Variants in SPIRE1 observed in about 807,000 individuals in gnomAD.
SPIRE1 encodes spire type actin nucleation factor 1, also known as protein spire homolog 1.
A neutral mutation model predicts 94.1 loss-of-function variants in SPIRE1; 40 were observed. The observed-to-expected ratio is 0.43, with a 90% confidence interval of 0.33 to 0.55. The LOEUF is 0.55. Among genes scored for constraint, SPIRE1 ranks in the 20% least tolerant of loss-of-function variants. The probability of loss-of-function intolerance (pLI) is 0.06; values close to 1 mark genes in which losing one functional copy is unlikely to be tolerated. For synonymous variants in SPIRE1, 376 were observed against 371.7 expected, an observed-to-expected ratio of 1.01 and a Z score of -0.13; for missense variants, 838 against 975.2, an observed-to-expected ratio of 0.86 and a Z score of 1.87.
chr18:12,523,886 T>TCACTA (rs2034431100), intron 4 of SPIRE1, among the ~76,000 whole-genome samples: 1 of 152,192 alleles, frequency 6.6e-6, no homozygotes, highest in Admixed American at 6.5e-5. Context: ...AGATAGGATC[T>TCACTA]CACTACATTG....
At chr18:12,450,002 G>A (rs2031149648) in intron 16 of SPIRE1, 106 bp from the exon 17 acceptor site, 2 of 1,134,732 alleles carry the variant, frequency 1.8e-6, no homozygotes, top group Non-Finnish European at 2.5e-6. Flanking sequence ...AAACATCATG[G>A]AATGGATGAG....
chr18:12,479,653 A>C, intron 10 of SPIRE1, 46 bp downstream of exon 10: 2 of 1,537,612 alleles, frequency 1.3e-6, no homozygotes, highest in Non-Finnish European at 8.7e-7. Context: ...AGACAGCATT[A>C]AGCACCCTCA....
chr18:12,459,601 G>A (rs148018319), intron 12 of SPIRE1, among the ~76,000 whole-genome samples: 11 of 152,194 alleles, frequency 7.2e-5, no homozygotes, highest in Non-Finnish European at 1.5e-4. Context: ...CTGAGACCAC[G>A]GCATGATCGG....
intron 9 of SPIRE1, among the ~76,000 whole-genome samples, chr18:12,483,786 C>T (rs1326835493): frequency 6.6e-6 from 1 of 152,106 alleles, no homozygotes; most frequent in East Asian, 1.9e-4. Flanking sequence ...TCAGAAAATG[C>T]ACTCCAATCT....
intron 10 of SPIRE1, among the ~76,000 whole-genome samples, chr18:12,478,622 C>A (rs1216443832): frequency 1.3e-5 from 2 of 150,886 alleles, no homozygotes; most frequent in Non-Finnish European, 3.0e-5. Flanking sequence ...TGTGTGTGCG[C>A]GCGCATGCGT....
Position 12,658,071 on chromosome 18 carries a change from C to A in SPIRE1, c.-205G>T. ...GCGAGGACACGGCTGCAGTCCCGGT[C>A]AGACAGCCGCCGGCCGGTAGCGACG... On this transcript the variant is annotated 5_prime_UTR_variant, in exon 1 of 17. Coordinates refer to ENST00000409402, the MANE Select transcript of SPIRE1 (RefSeq NM_001128626.2). 1.0e-6 allele frequency: 1 copy of A among 992,490 alleles called. No individual in the cohort carries two copies. Among genetic ancestry groups the A allele is most frequent in the South Asian group, 4.6e-5 (1 of 21,868 alleles). 61.5% of individuals were successfully genotyped at this position (992,490 alleles called of 1,614,324 possible).
intron 6 of SPIRE1, among the ~76,000 whole-genome samples, chr18:12,497,510 C>T (rs1187139527): frequency 6.6e-6 from 1 of 152,086 alleles, no homozygotes; most frequent in Non-Finnish European, 1.5e-5. Flanking sequence ...GTGTGGCAAG[C>T]CTGCTGGGGC....
At chr18:12,452,222 A>G in intron 16 of SPIRE1, 33 bp downstream of exon 16, 1 of 1,612,590 alleles carries the variant, frequency 6.2e-7, no homozygotes, top group Non-Finnish European at 8.5e-7. Context: ...TCTTCTGCAA[A>G]GGATGGTTTG....
intron 4 of SPIRE1, among the ~76,000 whole-genome samples, chr18:12,521,469 G>A (rs2034356520): frequency 6.6e-6 from 1 of 152,066 alleles, no homozygotes; most frequent in Non-Finnish European, 1.5e-5. Flanking sequence ...GAGTAGCTGG[G>A]ATTATAGGCG....
chr18:12,568,437 C>T (rs1273628012), intron 2 of SPIRE1, among the ~76,000 whole-genome samples: 5 of 152,344 alleles, frequency 3.3e-5, no homozygotes, highest in African/African-American at 1.2e-4. Context: ...CTTTCTCCTG[C>T]ATTTTGTATG....
At chr18:12,482,198 A>G (rs2143781330) in intron 9 of SPIRE1, among the ~76,000 whole-genome samples, 1 of 152,314 alleles carries the variant, frequency 6.6e-6, no homozygotes, top group African/African-American at 2.4e-5. Context: ...GCTGGAGTGC[A>G]GTGGCGCGAT....
At position 12,615,359 on chromosome 18, in the gene SPIRE1, T is replaced by A. The variant is rs1307768336; in HGVS notation, c.372+19703A>T. On this transcript the variant is annotated intron_variant, in intron 2 of 16. Transcript: ENST00000409402. ...AAAAAAAAAAAAATATATATATATA[T>A]ATATATATATATATGCATGTATATA... 1.2e-3 allele frequency among the ~76,000 whole-genome samples: 51 copies of A among 43,568 alleles called. 5 individuals are homozygous for A. Among genetic ancestry groups the A allele is most frequent in the Non-Finnish European group, 2.1e-3 (44 of 20,736 alleles). The allele number at this position is 43,568 out of a possible 152,430, so 28.6% of individuals were successfully genotyped here.
Position 12,448,542 on chromosome 18 carries a change from G to A in SPIRE1, c.*1096C>T, listed in dbSNP as rs2031057508. ...CCTACTCACTCAAATCATTTACAAG[G>A]AAAACTAGTGCAGAAAGCACCCCAA... On this transcript the variant is annotated 3_prime_UTR_variant, in exon 17 of 17. Coordinates refer to ENST00000409402, the MANE Select transcript of SPIRE1 (RefSeq NM_001128626.2). This position sits in a 1 kb window ranked among gnomAD's most constrained non-coding sequence, Gnocchi z 4.4. The A allele has an allele frequency of 1.3e-5, 2 of 152,162 alleles. No homozygotes were observed. Among genetic ancestry groups the A allele is most frequent in the African/African-American group, 4.8e-5 (2 of 41,432 alleles). 9.4% of individuals were successfully genotyped at this position (152,162 alleles called of 1,614,324 possible).
chr18:12,583,853 A>G (rs1327200780), intron 2 of SPIRE1, among the ~76,000 whole-genome samples: 4 of 151,052 alleles, frequency 2.6e-5, no homozygotes, highest in African/African-American at 9.8e-5. Flanking sequence ...TGAGCCTAGA[A>G]GGGTTAGAAG....
At chr18:12,499,031 G>A (rs1307149102) in intron 6 of SPIRE1, among the ~76,000 whole-genome samples, 2 of 152,144 alleles carry the variant, frequency 1.3e-5, no homozygotes, top group Non-Finnish European at 2.9e-5. Context: ...CCCACAAAGG[G>A]TTGGATTGCA....
At chr18:12,548,191 A>T (rs2035229470) in intron 2 of SPIRE1, among the ~76,000 whole-genome samples, 1 of 152,232 alleles carries the variant, frequency 6.6e-6, no homozygotes. Context: ...TCCTTCCTTT[A>T]GCCCATTCTT....
At chr18:12,649,696 CAAT>C (rs991951196) in intron 1 of SPIRE1, among the ~76,000 whole-genome samples, 6 of 152,114 alleles carry the variant, frequency 3.9e-5, no homozygotes, top group African/African-American at 1.4e-4. Context: ...CTTGGTAGCT[CAAT>C]GATTTTTTTC....
chr18:12,479,819 A>G lies in SPIRE1; in HGVS notation c.1284T>C (p.Asn428=), dbSNP rs1488042024. Residue 428 remains asparagine (N), a synonymous_variant, in exon 10 of 17, where the codon AAT becomes AAC. Transcript: ENST00000409402. ...TKNLVESSMV[N]GGLTSQTKEN... ...CTTTTGTTTGTGATGTCAAACCTCC[A>G]TTCACCATAGATGACTCCACAAGAT... The G allele has an allele frequency of 4.3e-6, 7 of 1,614,036 alleles. No homozygotes were observed. The highest frequency in any genetic ancestry group is 5.9e-6 in the Non-Finnish European group (7 of 1,180,008).
intron 2 of SPIRE1, among the ~76,000 whole-genome samples, chr18:12,597,785 G>A (rs1205048568): frequency 6.6e-6 from 1 of 152,082 alleles, no homozygotes; most frequent in African/African-American, 2.4e-5. Flanking sequence ...CACTTTCCAG[G>A]GGCACAATTA....
Sources: gnomAD v4.1 joint callset for allele counts (sites outside exome capture counted in the v4.1 genomes callset) on GRCh38, gnomAD v4.1.1 for gene constraint, Gnocchi (gnomAD v3.1) non-coding constraint, MANE v1.5 for transcripts, NCBI Gene and HGNC (gene_info 2026-07-23, HGNC 2026-07-21) for gene names.